SF3B3: variants seen among roughly 807,000 people sequenced by gnomAD.
The protein encoded by SF3B3 is splicing factor 3b subunit 3.
Under a neutral mutation model 139.2 loss-of-function variants are expected in SF3B3, and 33 were observed. That is an observed-to-expected ratio of 0.24 (90% confidence interval 0.18 to 0.32). The LOEUF (loss-of-function observed/expected upper bound fraction) is 0.32, where lower values mean the gene tolerates loss of function less well. Ranked by LOEUF, SF3B3 falls within the 10% of genes least tolerant of loss-of-function variation. SF3B3 has a pLI of 1.00. For missense variants in SF3B3, 818 were observed against 1,509.4 expected (o/e 0.54, Z 7.59); for synonymous variants, 596 against 563.6 (o/e 1.06, Z -0.81).
intron 22 of SF3B3, among the ~76,000 whole-genome samples, chr16:70,568,726 G>C (rs539228108): frequency 6.6e-6 from 1 of 152,236 alleles, no homozygotes; most frequent in African/African-American, 2.4e-5. Flanking sequence ...TTTAATGATA[G>C]GTTTAGTTTG....
At chr16:70,541,560 C>T in intron 8 of SF3B3, 109 bp from the exon 9 acceptor site, 2 of 865,864 alleles carry the variant, frequency 2.3e-6, no homozygotes, top group South Asian at 1.8e-5. Flanking sequence ...AAAATAATAA[C>T]AATAGTATCT....
At chr16:70,531,785 A>C (rs1402150355) in intron 4 of SF3B3, among the ~76,000 whole-genome samples, 1 of 152,254 alleles carries the variant, frequency 6.6e-6, no homozygotes, top group Non-Finnish European at 1.5e-5. Context: ...CACAGAACAT[A>C]CTATTGTTTT....
intron 17 of SF3B3, among the ~76,000 whole-genome samples, chr16:70,563,165 TCA>T (rs1567423444): frequency 2.0e-5 from 3 of 152,162 alleles, no homozygotes; most frequent in African/African-American, 7.2e-5. Context: ...AGTTGGTGTT[TCA>T]CCATGTTACC....
intron 3 of SF3B3, among the ~76,000 whole-genome samples, chr16:70,530,439 C>A (rs1470719953): frequency 6.6e-6 from 1 of 151,918 alleles, no homozygotes; most frequent in African/African-American, 2.4e-5. Context: ...CCTGCCCCAG[C>A]CTCCCAAGTA....
rs2050536417 is a variant in SF3B3 at position 70,572,228 on chromosome 16, G to C, written c.*415G>C. 3 of 423,624 alleles carry C rather than the reference G, an allele frequency of 7.1e-6. No individual in the cohort carries two copies. The Admixed American group carries it at 8.1e-5, about 11-fold the overall frequency. 26.2% of individuals were successfully genotyped at this position (423,624 alleles called of 1,614,324 possible). A position where few individuals can be genotyped will look rare whatever the true frequency, so the allele number is the denominator to read the frequency against. On this transcript the variant is annotated 3_prime_UTR_variant, in exon 26 of 26. Transcript: ENST00000302516. ...GGCAGGCTGTGGTGGGACTGGGTAG[G>C]GTATAGTATCACTCCTGAGTTCCAC... is the stretch of plus-strand genomic sequence containing the variant.
At chr16:70,558,339 C>T (rs1226795467) in intron 15 of SF3B3, among the ~76,000 whole-genome samples, 1 of 151,094 alleles carries the variant, frequency 6.6e-6, no homozygotes, top group East Asian at 1.9e-4. Context: ...TGGTCTTGAA[C>T]TCCTGGCCTC....
chr16:70,551,396 T>G (rs1454878263), intron 11 of SF3B3, among the ~76,000 whole-genome samples: 1 of 152,220 alleles, frequency 6.6e-6, no homozygotes, highest in East Asian at 1.9e-4. Flanking sequence ...GGCTTTGTTC[T>G]GAACTCCAGC....
Position 70,571,864 on chromosome 16 carries a change from C to A in SF3B3, c.*51C>A. On this transcript the variant is annotated 3_prime_UTR_variant, in exon 26 of 26. Coordinates refer to ENST00000302516, the MANE Select transcript of SF3B3 (RefSeq NM_012426.5). Reference sequence around the variant, plus strand: ...CAGAGACTGTGTGTTTTGTTTCCCCCACCACCATCACTGCCACCTGGCTTC... The same window carrying A: ...CAGAGACTGTGTGTTTTGTTTCCCCAACCACCATCACTGCCACCTGGCTTC... 1 of 1,561,740 alleles carries A rather than the reference C, an allele frequency of 6.4e-7. No individual in the cohort carries two copies. The highest frequency in any genetic ancestry group is 1.2e-5 in the South Asian group (1 of 84,452).
chr16:70,556,381 C>T, intron 14 of SF3B3, 47 bp downstream of exon 14: 1 of 1,599,986 alleles, frequency 6.3e-7, no homozygotes, highest in Non-Finnish European at 8.6e-7. Flanking sequence ...GGAACCTGAG[C>T]ATCTGGCTCC....
chr16:70,570,188 G>A, intron 24 of SF3B3, 39 bp downstream of exon 24: 3 of 1,609,936 alleles, frequency 1.9e-6, no homozygotes, highest in Non-Finnish European at 2.5e-6. Flanking sequence ...GACTTTTAAG[G>A]TTGTTTCTTG....
At chr16:70,546,744 C>A (rs2050272147) in intron 10 of SF3B3, among the ~76,000 whole-genome samples, 1 of 152,132 alleles carries the variant, frequency 6.6e-6, no homozygotes, top group African/African-American at 2.4e-5. Context: ...TACTTCTCTC[C>A]CCACTTCAAA....
Position 70,552,915 on chromosome 16 carries a change from C to T in SF3B3, c.1403-1531C>T, listed in dbSNP as rs528894901. Among the ~76,000 whole-genome samples the T allele has an allele frequency of 3.9e-5, 6 of 152,206 alleles. No homozygotes were observed. In the South Asian group the frequency reaches 1.2e-3, roughly 32 times the overall value. On this transcript the variant is annotated intron_variant, in intron 11 of 25. Transcript: ENST00000302516. ...ACTGTAGGCCATGCCAATGATACAT[C>T]TTTTTTGTTTGTTTTGAGACAGTCT... is the stretch of plus-strand genomic sequence containing the variant.
chr16:70,569,051 C>T lies in SF3B3; in HGVS notation c.3174C>T (p.Leu1058=), dbSNP rs771632129. ...GTGTCACTTCCTTGTAGGTGAGGCT[C>T]CCACCTAACACCAATGATGAAGTAG... ...DKFGNICVVR[L]PPNTNDEVDE... Residue 1058 remains leucine (L), a synonymous_variant, in exon 23 of 26, where the codon CTC becomes CTT. Transcript: ENST00000302516. The T allele has an allele frequency of 6.2e-7, 1 of 1,608,496 alleles. No homozygotes were observed. The highest frequency in any genetic ancestry group is 1.7e-5 in the Admixed American group (1 of 59,596).
intron 16 of SF3B3, 150 bp downstream of exon 16, chr16:70,560,741 C>T (rs1333081638): frequency 3.8e-6 from 3 of 792,800 alleles, no homozygotes; most frequent in Non-Finnish European, 5.9e-6. Context: ...TTTTCCTAAC[C>T]TAGAGCTTCC....
At chr16:70,532,185 G>C (rs1357624351) in intron 4 of SF3B3, among the ~76,000 whole-genome samples, 1 of 151,982 alleles carries the variant, frequency 6.6e-6, no homozygotes, top group Non-Finnish European at 1.5e-5. Flanking sequence ...CCAGCAACTC[G>C]GGAGGCTGAG....
chr16:70,571,030 C>T, intron 24 of SF3B3, 65 bp from the exon 25 acceptor site: 1 of 1,051,766 alleles, frequency 9.5e-7, no homozygotes, highest in Admixed American at 1.7e-5. Flanking sequence ...GTTCGTTGTG[C>T]TTGTGGAAAC....
chr16:70,572,094 G>T lies in SF3B3; in HGVS notation c.*281G>T. 1 of 596,160 alleles carries T rather than the reference G, an allele frequency of 1.7e-6. No individual in the cohort carries two copies. 36.9% of individuals were successfully genotyped at this position (596,160 alleles called of 1,614,324 possible). ...TCCCCCATTCCCCAAAGCCATCCCT[G>T]CATTGATATGTCTTGACTCTCCTGT... On this transcript the variant is annotated 3_prime_UTR_variant, in exon 26 of 26. Transcript: ENST00000302516.
At chr16:70,533,599 G>A (rs1555499343) in intron 5 of SF3B3, among the ~76,000 whole-genome samples, 1 of 152,168 alleles carries the variant, frequency 6.6e-6, no homozygotes, top group Non-Finnish European at 1.5e-5. Flanking sequence ...TTGGAAATCA[G>A]TTCACCATTG....
intron 16 of SF3B3, among the ~76,000 whole-genome samples, chr16:70,560,910 T>G (rs2050422084): frequency 6.6e-6 from 1 of 152,246 alleles, no homozygotes; most frequent in African/African-American, 2.4e-5. Context: ...CTTAGATCAG[T>G]GTCACGTTTA....
Sources: gnomAD v4.1 joint callset for allele counts (sites outside exome capture counted in the v4.1 genomes callset) on GRCh38, gnomAD v4.1.1 for gene constraint, MANE v1.5 for transcripts, NCBI Gene and HGNC (gene_info 2026-07-23, HGNC 2026-07-21) for gene names.